Variants in ARID3B observed in about 807,000 individuals in gnomAD.
ARID3B encodes the protein AT-rich interaction domain 3B, also known as AT-rich interactive domain-containing protein 3B.
Under a neutral mutation model 51.9 loss-of-function variants are expected in ARID3B, and 10 were observed. That is an observed-to-expected ratio of 0.19 (90% CI 0.12 to 0.33). ARID3B has a LOEUF of 0.33. Among genes scored for constraint, ARID3B ranks in the 10% least tolerant of loss-of-function variants. ARID3B has a pLI of 1.00. For synonymous variants in ARID3B, 205 were observed against 279.5 expected, an observed-to-expected ratio of 0.73 and a Z score of 2.66; for missense variants, 483 against 716.3, an observed-to-expected ratio of 0.67 and a Z score of 3.72.
At chr15:74,571,517 T>A (rs1404581906) in intron 2 of ARID3B, among the ~76,000 whole-genome samples, 1 of 151,974 alleles carries the variant, frequency 6.6e-6, no homozygotes, top group Non-Finnish European at 1.5e-5. Flanking sequence ...AACAAGAGAG[T>A]TATACTGTGA....
chr15:74,552,163 G>A (rs1304642530), intron 2 of ARID3B, among the ~76,000 whole-genome samples: 3 of 140,906 alleles, frequency 2.1e-5, no homozygotes, highest in Non-Finnish European at 4.6e-5. Context: ...CCGGGTTCAA[G>A]CGATTCTCCT....
At position 74,596,975 on chromosome 15, in the gene ARID3B, G is replaced by A. The variant is rs1049841814; in HGVS notation, c.*1201G>A. On this transcript the variant is annotated 3_prime_UTR_variant, in exon 9 of 9. Transcript: ENST00000346246. ...GGGATCGCGGGGGCGGGGAGGTGGA[G>A]TGGAGAGGCCCGCTCTCACACCGGG... is the stretch of plus-strand genomic sequence containing the variant. The A allele has an allele frequency of 7.3e-5, 17 of 233,830 alleles. No homozygotes were observed. The highest frequency in any genetic ancestry group is 3.3e-4 in the African/African-American group (15 of 45,322). 14.5% of individuals were successfully genotyped at this position (233,830 alleles called of 1,614,324 possible).
At chr15:74,568,260 A>T (rs1358536310) in intron 2 of ARID3B, among the ~76,000 whole-genome samples, 4 of 152,254 alleles carry the variant, frequency 2.6e-5, no homozygotes, top group African/African-American at 9.6e-5. Flanking sequence ...GCCCAGTGCC[A>T]TGACATGGGC....
chr15:74,572,641 C>T lies in ARID3B; in HGVS notation c.553-221C>T, dbSNP rs191569311. Among the ~76,000 whole-genome samples the T allele has an allele frequency of 1.7e-4, 26 of 152,010 alleles. No individual in the cohort carries two copies. The East Asian group carries it at 4.4e-3, about 26-fold the overall frequency. ...AACAAATGGAGATGATTCTTCCACC[C>T]GATTCCCTCTTTATTTTGGAACCAA... On this transcript the variant is annotated intron_variant, in intron 2 of 8. Transcript: ENST00000346246.
intron 2 of ARID3B, among the ~76,000 whole-genome samples, chr15:74,564,458 A>G (rs2061690776): frequency 6.6e-6 from 1 of 152,222 alleles, no homozygotes; most frequent in Admixed American, 6.5e-5. Flanking sequence ...GGATCTGGCC[A>G]ATGATAAGAT....
intron 4 of ARID3B, among the ~76,000 whole-genome samples, chr15:74,576,211 C>T (rs1327416570): frequency 4.6e-5 from 7 of 152,128 alleles, no homozygotes; most frequent in Non-Finnish European, 7.3e-5. Flanking sequence ...GGACGTTTAG[C>T]AGTATCCATG....
At chr15:74,584,668 G>A (rs2061773685) in intron 4 of ARID3B, among the ~76,000 whole-genome samples, 1 of 152,118 alleles carries the variant, frequency 6.6e-6, no homozygotes, top group Non-Finnish European at 1.5e-5. Flanking sequence ...GCCAGAAGAG[G>A]CCATCTCTTC....
At chr15:74,573,387 G>A in intron 4 of ARID3B, 183 bp downstream of exon 4, 1 of 645,488 alleles carries the variant, frequency 1.5e-6, no homozygotes, top group Non-Finnish European at 2.7e-6. Flanking sequence ...GACAGAGAAG[G>A]TGTTGGCACA....
At position 74,595,648 on chromosome 15, in the gene ARID3B, C is replaced by T; in HGVS notation, c.1557C>T (p.Ile519=). Reference sequence around the variant, plus strand: ...CCCAGAAGCCTGTGGTCCACCTCATCACGGGGTCTGCTCCCCAGAGCCTCG... The same window carrying T: ...CCCAGAAGCCTGTGGTCCACCTCATTACGGGGTCTGCTCCCCAGAGCCTCG... ...LFAQKPVVHL[I]TGSAPQSLGS... is the part of the protein sequence containing the mutation. Residue 519 remains isoleucine, a synonymous_variant, in exon 9 of 9, where the codon ATC becomes ATT. Coordinates refer to ENST00000346246, the MANE Select transcript of ARID3B (RefSeq NM_006465.4). The T allele has an allele frequency of 6.2e-7, 1 of 1,613,284 alleles. No individual in the cohort carries two copies.
intron 4 of ARID3B, among the ~76,000 whole-genome samples, chr15:74,579,862 TGTGTGTGTGTGCGC>T (rs879352909): frequency 0.017 from 2,505 of 145,656 alleles, 36 homozygotes; most frequent in Middle Eastern, 0.043. Flanking sequence ...TGTGTGTGTG[TGTGTGTGTGTGCGC>T]GCGCGCGCAC....
chr15:74,583,775 G>C (rs914622656), intron 4 of ARID3B, among the ~76,000 whole-genome samples: 2 of 152,118 alleles, frequency 1.3e-5, no homozygotes, highest in African/African-American at 2.4e-5. Flanking sequence ...GGTGTATTTG[G>C]AAGTACACAT....
intron 2 of ARID3B, among the ~76,000 whole-genome samples, chr15:74,547,027 A>G (rs1257995745): frequency 2.0e-5 from 3 of 152,164 alleles, no homozygotes; most frequent in Admixed American, 2.0e-4. Context: ...ACCATTACAG[A>G]TCATTAGACT....
At position 74,591,498 on chromosome 15, in the gene ARID3B, A is replaced by G. The variant is rs1232637430; in HGVS notation, c.1166-62A>G. ...AAGGGATGCCAGTTCCCTGTGTTCA[A>G]GACTGGGGTTTTGGGGCAAGAGGGT... On this transcript the variant is annotated intron_variant, in intron 6 of 8. Coordinates refer to ENST00000346246, the MANE Select transcript of ARID3B (RefSeq NM_006465.4). This position sits in a 1 kb window ranked among gnomAD's most constrained non-coding sequence, Gnocchi z 5.8. The G allele has an allele frequency of 1.3e-6, 2 of 1,594,248 alleles. No homozygotes were observed. Among genetic ancestry groups the G allele is most frequent in the East Asian group, 2.2e-5 (1 of 44,508 alleles).
chr15:74,560,031 T>TAAAAAAAAAAAAAAAAAAAAAAAAAAGA (rs71137394), intron 2 of ARID3B, among the ~76,000 whole-genome samples: 1 of 35,640 alleles, frequency 2.8e-5, no homozygotes, highest in East Asian at 7.5e-4. Context: ...CTGTCTCTAC[T>TAAAAAAAAAAAAAAAAAAAAAAAAAAGA]AAAAAAAAAA....
chr15:74,556,277 G>A (rs369422696), intron 2 of ARID3B, among the ~76,000 whole-genome samples: 1 of 152,294 alleles, frequency 6.6e-6, no homozygotes, highest in Admixed American at 6.5e-5. Context: ...GGAGAAAGAT[G>A]GAGGAACAGC....
chr15:74,545,271 A>G (rs1347213904), intron 2 of ARID3B, among the ~76,000 whole-genome samples: 1 of 152,226 alleles, frequency 6.6e-6, no homozygotes, highest in Non-Finnish European at 1.5e-5. Flanking sequence ...CATTGTATAT[A>G]TTTTCCAACA....
rs1388991135 is a variant in ARID3B, at chr15:74,591,476, G to C, written c.1165+42G>C. ...GGGGAGAAGGAAGAAAGGGAGGAAG[G>C]GATGCCAGTTCCCTGTGTTCAAGAC... On this transcript the variant is annotated intron_variant, in intron 6 of 8. Transcript: ENST00000346246. The surrounding 1 kb of genome is among the most constrained non-coding windows in gnomAD (Gnocchi z 5.8). The C allele has an allele frequency of 2.5e-6, 4 of 1,593,354 alleles. No homozygotes were observed. Among genetic ancestry groups the C allele is most frequent in the Non-Finnish European group, 1.7e-6 (2 of 1,165,762 alleles).
In ARID3B at chr15:74,560,681, G is replaced by A. The variant is rs777563998; in HGVS notation, c.553-12181G>A. On this transcript the variant is annotated intron_variant, in intron 2 of 8. Coordinates refer to ENST00000346246, the MANE Select transcript of ARID3B (RefSeq NM_006465.4). Reference sequence around the variant, plus strand: ...TGTCCTGTGTCCTTACACCTCACAAGTAGGAGTGAATCAGCTTCTAGGACT... The same window carrying A: ...TGTCCTGTGTCCTTACACCTCACAAATAGGAGTGAATCAGCTTCTAGGACT... Among the ~76,000 whole-genome samples, 5 of 152,308 alleles carry A rather than the reference G, an allele frequency of 3.3e-5. No homozygotes were observed. In the East Asian group the frequency reaches 5.8e-4, roughly 18 times the overall value.
intron 2 of ARID3B, among the ~76,000 whole-genome samples, chr15:74,554,373 G>A (rs1265779258): frequency 6.6e-6 from 1 of 151,930 alleles, no homozygotes; most frequent in Non-Finnish European, 1.5e-5. Context: ...CATGATTTCT[G>A]CTCACTGTAA....
Sources: allele counts gnomAD v4.1 joint callset (sites outside exome capture counted in the v4.1 genomes callset), GRCh38; gene constraint gnomAD v4.1.1; non-coding constraint Gnocchi (gnomAD v3.1); transcripts MANE v1.5; gene names NCBI Gene and HGNC (gene_info 2026-07-23, HGNC 2026-07-21).